Variants in HOOK1 observed in about 807,000 individuals in gnomAD.
HOOK1 encodes hook microtubule tethering protein 1, also known as protein Hook homolog 1.
In HOOK1, 60 loss-of-function variants were observed where a neutral mutation model predicts 112.8. That is an observed-to-expected ratio of 0.53 (90% CI 0.43 to 0.66). The LOEUF (loss-of-function observed/expected upper bound fraction) is 0.66, where lower values mean the gene tolerates loss of function less well. Among genes scored for constraint, HOOK1 ranks in the 30% least tolerant of loss-of-function variants. The pLI, the probability that HOOK1 is intolerant of heterozygous loss-of-function variation, is 0.00. For synonymous variants in HOOK1, 294 were observed against 283.8 expected (o/e 1.04, Z -0.36); for missense variants, 770 against 856.0 (o/e 0.90, Z 1.25).
At chr1:59,829,411 G>T (rs2098392212) in intron 3 of HOOK1, among the ~76,000 whole-genome samples, 2 of 151,990 alleles carry the variant, frequency 1.3e-5, no homozygotes. Context: ...TTTCTCTTGG[G>T]TGAATTTCTG....
chr1:59,835,496 A>G, intron 6 of HOOK1, 84 bp downstream of exon 6: 1 of 778,486 alleles, frequency 1.3e-6, no homozygotes, highest in Non-Finnish European at 2.1e-6. Context: ...TTTCTTTTTT[A>G]AAAACTTGCT....
chr1:59,828,341 CTA>C (rs943553046), intron 2 of HOOK1, among the ~76,000 whole-genome samples: 9 of 152,114 alleles, frequency 5.9e-5, no homozygotes, highest in African/African-American at 2.2e-4. Flanking sequence ...TTGCCATGTG[CTA>C]TTAATAGTAT....
At chr1:59,836,429 C>G (rs1314107601) in intron 6 of HOOK1, among the ~76,000 whole-genome samples, 1 of 152,044 alleles carries the variant, frequency 6.6e-6, no homozygotes, top group African/African-American at 2.4e-5. Flanking sequence ...GTAAATCTGC[C>G]TTTCATCTCA....
intron 12 of HOOK1, among the ~76,000 whole-genome samples, chr1:59,854,511 T>C (rs941899692): frequency 6.6e-6 from 1 of 152,094 alleles, no homozygotes; most frequent in African/African-American, 2.4e-5. Context: ...GTTTTTTTTT[T>C]ACTCTTGGAA....
intron 8 of HOOK1, among the ~76,000 whole-genome samples, chr1:59,841,318 C>T (rs1203051975): frequency 6.6e-6 from 1 of 152,006 alleles, no homozygotes; most frequent in Non-Finnish European, 1.5e-5. Flanking sequence ...AGTGTAAGGG[C>T]AAGGAGCAAA....
intron 16 of HOOK1, chr1:59,863,876 A>G (rs955696338): frequency 2.2e-6 from 2 of 912,034 alleles, no homozygotes; most frequent in African/African-American, 3.6e-5. Flanking sequence ...ACGGTATTGT[A>G]ACTTCTCTAA....
chr1:59,821,497 G>A (rs1463552734), intron 1 of HOOK1, among the ~76,000 whole-genome samples: 10 of 152,170 alleles, frequency 6.6e-5, no homozygotes. Context: ...AGTTGCAAAT[G>A]TTGGGTTATC....
At chr1:59,867,998 C>T (rs557059574) in intron 19 of HOOK1, among the ~76,000 whole-genome samples, 2 of 151,930 alleles carry the variant, frequency 1.3e-5, no homozygotes, top group African/African-American at 4.8e-5. Context: ...ATGTACTGAG[C>T]CTTGGAGAAG....
At chr1:59,863,590 G>A (rs2102069305) in intron 16 of HOOK1, among the ~76,000 whole-genome samples, 1 of 152,188 alleles carries the variant, frequency 6.6e-6, no homozygotes, top group Admixed American at 6.5e-5. Flanking sequence ...TAATGATTGA[G>A]GGATTGTTGT....
Position 59,849,124 on chromosome 1 carries a change from C to CT in HOOK1, c.1184dup (p.Ala396SerfsTer3). 1 of 1,609,694 alleles carries CT rather than the reference C, an allele frequency of 6.2e-7. No homozygotes were observed. The highest frequency in any genetic ancestry group is 8.5e-7 in the Non-Finnish European group (1 of 1,177,016). Reference sequence around the variant, plus strand: ...CTCCGAATCCAAGAGGGCAGACACACTAGCGTTTGAAATGAAGCGGCTTGA... The same window carrying CT: ...CTCCGAATCCAAGAGGGCAGACACACTTAGCGTTTGAAATGAAGCGGCTTGA... On this transcript the variant is annotated frameshift_variant, in exon 12 of 22. Coordinates refer to ENST00000371208, the MANE Select transcript of HOOK1 (RefSeq NM_015888.6). LOFTEE classifies it high-confidence loss of function.
intron 3 of HOOK1, among the ~76,000 whole-genome samples, chr1:59,830,268 G>A (rs1479028101): frequency 1.3e-5 from 2 of 151,968 alleles, no homozygotes; most frequent in African/African-American, 4.8e-5. Flanking sequence ...TGTGTATAGT[G>A]TAGTATAGAC....
intron 12 of HOOK1, among the ~76,000 whole-genome samples, chr1:59,851,397 T>G (rs2098407072): frequency 6.6e-6 from 1 of 151,690 alleles, no homozygotes; most frequent in South Asian, 2.1e-4. Context: ...TTTAAACATG[T>G]ATTCCTAAGT....
intron 4 of HOOK1, 22 bp from the exon 5 acceptor site, chr1:59,833,383 C>T (rs2098395399): frequency 6.9e-7 from 1 of 1,458,112 alleles, no homozygotes; most frequent in East Asian, 2.4e-5. Context: ...AATGAGTGAT[C>T]TAATTTATTT....
Position 59,850,967 on chromosome 1 carries a change from G to A in HOOK1, c.1242+1784G>A, listed in dbSNP as rs188725573. Among the ~76,000 whole-genome samples, 19 of 151,522 alleles carry A rather than the reference G, an allele frequency of 1.3e-4. 1 individual carries two copies. The South Asian group carries it at 2.5e-3, about 20-fold the overall frequency. On this transcript the variant is annotated intron_variant, in intron 12 of 21. Transcript: ENST00000371208. ...AATAATTAAAAAGGTTTAAAAATTC[G>A]TTTGACCATAAATGCAAGGGTTTAT...
Position 59,873,143 on chromosome 1 carries a change from T to C in HOOK1, c.*178T>C. ...GCCAGTTGACTTTAAAAACAAATTATAGAATTAGCCATCTCTCTGAGGGAG... is the reference window on the plus strand; with the variant it reads ...GCCAGTTGACTTTAAAAACAAATTACAGAATTAGCCATCTCTCTGAGGGAG... On this transcript the variant is annotated 3_prime_UTR_variant, in exon 22 of 22. Transcript: ENST00000371208. The C allele has an allele frequency of 2.2e-6, 1 of 458,862 alleles. No homozygotes were observed. The highest frequency in any genetic ancestry group is 3.7e-6 in the Non-Finnish European group (1 of 270,552). 28.4% of individuals were successfully genotyped at this position (458,862 alleles called of 1,614,324 possible). A position where few individuals can be genotyped will look rare whatever the true frequency, so the allele number is the denominator to read the frequency against.
chr1:59,856,196 T>A (rs1397085531), intron 12 of HOOK1, among the ~76,000 whole-genome samples: 1 of 149,356 alleles, frequency 6.7e-6, no homozygotes, highest in Non-Finnish European at 1.5e-5. Flanking sequence ...TCCTTTCACC[T>A]TAGCTCTTAA....
Position 59,847,184 on chromosome 1 carries a change from A to C in HOOK1, c.928A>C (p.Arg310=), listed in dbSNP as rs757527619. 1 of 1,596,812 alleles carries C rather than the reference A, an allele frequency of 6.3e-7. No individual in the cohort carries two copies. The highest frequency in any genetic ancestry group is 2.2e-5 in the East Asian group (1 of 44,540). ...RALKDEIDVL[R]ATSDKANKLE... is the part of the protein sequence containing the mutation. ...CCTGAAAGATGAAATAGATGTTCTT[A>C]GGTATGGCATGTCTTAAAAAATATA... The change falls in exon 10 of 22, where the codon AGG becomes CGG. Residue 310 remains arginine, a splice_region_variant and synonymous_variant. Coordinates refer to ENST00000371208, the MANE Select transcript of HOOK1 (RefSeq NM_015888.6).
intron 1 of HOOK1, among the ~76,000 whole-genome samples, chr1:59,817,357 T>C (rs1052693819): frequency 6.6e-6 from 1 of 152,230 alleles, no homozygotes; most frequent in Non-Finnish European, 1.5e-5. Context: ...CTAAATCCAC[T>C]AAGTGTTATA....
At chr1:59,854,046 T>A (rs1271351675) in intron 12 of HOOK1, among the ~76,000 whole-genome samples, 37 of 76,010 alleles carry the variant, frequency 4.9e-4, no homozygotes, top group South Asian at 2.3e-3. Flanking sequence ...ATATTTTTTT[T>A]TTTTTTTTTT....
Sources: gnomAD v4.1 joint callset for allele counts (sites outside exome capture counted in the v4.1 genomes callset) on GRCh38, gnomAD v4.1.1 for gene constraint, MANE v1.5 for transcripts, NCBI Gene and HGNC (gene_info 2026-07-23, HGNC 2026-07-21) for gene names.